The following SFMBT1 variants were observed in gnomAD, a reference collection of about 807,000 sequenced individuals.
SFMBT1 encodes scm-like with four MBT domains protein 1.
Under a neutral mutation model 108.7 loss-of-function variants are expected in SFMBT1, and 32 were observed. The observed-to-expected ratio is 0.29, with a 90% CI of 0.22 to 0.40. SFMBT1 has a LOEUF of 0.40. SFMBT1 is among the 10% of genes least tolerant of loss of function. SFMBT1 has a pLI of 1.00. For synonymous variants in SFMBT1, 348 were observed against 369.5 expected (o/e 0.94, Z 0.67); for missense variants, 816 against 1,059.6 (o/e 0.77, Z 3.19).
intron 1 of SFMBT1, among the ~76,000 whole-genome samples, chr3:52,975,729 G>A (rs1704496116): frequency 6.6e-6 from 1 of 152,142 alleles, no homozygotes; most frequent in African/African-American, 2.4e-5. Flanking sequence ...AGCCTCCTAA[G>A]TAACTGGGAT....
chr3:52,983,562 G>A (rs528656490), intron 1 of SFMBT1, among the ~76,000 whole-genome samples: 11 of 152,300 alleles, frequency 7.2e-5, no homozygotes, highest in South Asian at 2.1e-4. Context: ...CAAGGGAGGA[G>A]GACAGGGAGT....
chr3:53,010,874 A>G (rs930828723), intron 1 of SFMBT1, among the ~76,000 whole-genome samples: 13 of 152,238 alleles, frequency 8.5e-5, no homozygotes, highest in Non-Finnish European at 1.5e-4. Context: ...TCTATTTGGT[A>G]TCTGTATCTT....
intron 12 of SFMBT1, among the ~76,000 whole-genome samples, chr3:52,919,814 A>G (rs1702465823): frequency 6.6e-6 from 1 of 152,222 alleles, no homozygotes; most frequent in Non-Finnish European, 1.5e-5. Flanking sequence ...CAAGGAGCTC[A>G]GGCCCTCAGT....
chr3:53,036,847 G>A (rs1699884839), intron 1 of SFMBT1, among the ~76,000 whole-genome samples: 1 of 152,210 alleles, frequency 6.6e-6, no homozygotes, highest in African/African-American at 2.4e-5. Flanking sequence ...CTGGAAGGCT[G>A]CAGGTGGCTT....
intron 13 of SFMBT1, among the ~76,000 whole-genome samples, chr3:52,916,441 G>A (rs1433445712): frequency 6.6e-6 from 1 of 150,900 alleles, no homozygotes; most frequent in Non-Finnish European, 1.5e-5. Flanking sequence ...AGGCTGACGT[G>A]GGCGGGTCAC....
intron 1 of SFMBT1, among the ~76,000 whole-genome samples, chr3:53,035,197 C>A (rs922528206): frequency 6.7e-6 from 1 of 149,910 alleles, no homozygotes; most frequent in Non-Finnish European, 1.5e-5. Context: ...GGACTTTACC[C>A]GGCCAAATGT....
Position 52,904,984 on chromosome 3 carries a change from CTG to C in SFMBT1, c.*150_*151del, listed in dbSNP as rs1559504955. 9.8e-7 allele frequency: 1 copy of C among 1,016,354 alleles called. No homozygotes were observed. The highest frequency in any genetic ancestry group is 1.4e-6 in the Non-Finnish European group (1 of 723,208). 63.0% of individuals were successfully genotyped at this position (1,016,354 alleles called of 1,614,324 possible). A position where few individuals can be genotyped will look rare whatever the true frequency, so the allele number is the denominator to read the frequency against. On this transcript the variant is annotated 3_prime_UTR_variant, in exon 21 of 21. Coordinates refer to ENST00000394752, the MANE Select transcript of SFMBT1 (RefSeq NM_016329.4). ...TCTGTGCACAGTTTTTGCTTCCTCA[CTG>C]TGAGTCCTCCTTCCCCGAAAGTGCA...
At chr3:52,962,808 C>CAAA (rs369325114) in intron 2 of SFMBT1, among the ~76,000 whole-genome samples, 60,728 of 101,230 alleles carry the variant, frequency 0.6, 18,914 homozygotes, top group South Asian at 0.73. Context: ...CTCCCTGTCT[C>CAAA]AAAAAAAAAA....
chr3:52,953,030 A>C (rs1703648354), intron 3 of SFMBT1, among the ~76,000 whole-genome samples: 1 of 152,250 alleles, frequency 6.6e-6, no homozygotes, highest in African/African-American at 2.4e-5. Context: ...AACTGTGAGA[A>C]GATAAATGTC....
chr3:53,010,512 A>G (rs1397100867), intron 1 of SFMBT1, among the ~76,000 whole-genome samples: 3 of 152,238 alleles, frequency 2.0e-5, no homozygotes, highest in Non-Finnish European at 4.4e-5. Flanking sequence ...TGGCAGAAAG[A>G]AAATTATACA....
intron 1 of SFMBT1, among the ~76,000 whole-genome samples, chr3:53,042,765 A>G (rs1041996293): frequency 2.0e-5 from 3 of 152,236 alleles, no homozygotes; most frequent in Non-Finnish European, 4.4e-5. Context: ...AAAATGTAAT[A>G]GATTTTAAAT....
chr3:53,020,145 T>G (rs1419699705), intron 1 of SFMBT1, among the ~76,000 whole-genome samples: 1 of 151,870 alleles, frequency 6.6e-6, no homozygotes, highest in Non-Finnish European at 1.5e-5. Flanking sequence ...TCCCAGCACT[T>G]TGGGAGGCCG....
chr3:53,013,848 C>T (rs1015977171), intron 1 of SFMBT1, among the ~76,000 whole-genome samples: 28 of 151,818 alleles, frequency 1.8e-4, no homozygotes, highest in Admixed American at 1.7e-3. Context: ...AGGCTGGTCT[C>T]GATCTCCTGA....
chr3:52,968,990 T>G lies in SFMBT1; in HGVS notation c.28+111A>C, dbSNP rs532789191. On this transcript the variant is annotated intron_variant, in intron 2 of 20. Coordinates refer to ENST00000394752, the MANE Select transcript of SFMBT1 (RefSeq NM_016329.4). ...ACAGAAGATGGCAATGAAAAACAAC[T>G]TAAGACTTCAAAGAGCTTCCAGTTC... 149 of 1,313,788 alleles carry G rather than the reference T, an allele frequency of 1.1e-4. No individual in the cohort carries two copies. In the African/African-American group the frequency reaches 1.8e-3, roughly 16 times the overall value. The allele number at this position is 1,313,788 out of a possible 1,614,324, so 81.4% of individuals were successfully genotyped here. A position where few individuals can be genotyped will look rare whatever the true frequency, so the allele number is the denominator to read the frequency against.
intron 1 of SFMBT1, among the ~76,000 whole-genome samples, chr3:53,013,776 C>A (rs1575439115): frequency 1.3e-5 from 2 of 151,096 alleles, no homozygotes; most frequent in East Asian, 3.9e-4. Context: ...TTACAGGCGC[C>A]CACCACCACA....
chr3:52,983,187 A>C (rs986333133), intron 1 of SFMBT1, among the ~76,000 whole-genome samples: 3 of 152,122 alleles, frequency 2.0e-5, no homozygotes, highest in Admixed American at 6.6e-5. Flanking sequence ...ACTCCTCCTC[A>C]GCCTACCCAA....
intron 4 of SFMBT1, among the ~76,000 whole-genome samples, chr3:52,941,631 G>T (rs895175114): frequency 3.6e-4 from 53 of 147,474 alleles, no homozygotes; most frequent in Non-Finnish European, 6.7e-4. Flanking sequence ...ATTGGGCCAG[G>T]TGTGGTGGTT....
chr3:52,909,869 T>G lies in SFMBT1; in HGVS notation c.1906+1134A>C, dbSNP rs536173762. Among the ~76,000 whole-genome samples the G allele has an allele frequency of 3.3e-5, 5 of 152,308 alleles. No homozygotes were observed. In the South Asian group the frequency reaches 1.0e-3, roughly 32 times the overall value. ...ATAAGCAAGGACAGCGAATAGGTGCTATGACAGTTCAAGGTGAGGTTGCAA... is the reference window on the plus strand; with the variant it reads ...ATAAGCAAGGACAGCGAATAGGTGCGATGACAGTTCAAGGTGAGGTTGCAA... On this transcript the variant is annotated intron_variant, in intron 17 of 20. Transcript: ENST00000394752.
chr3:52,908,143 G>A (rs962353413), intron 17 of SFMBT1, among the ~76,000 whole-genome samples: 4 of 147,700 alleles, frequency 2.7e-5, no homozygotes, highest in African/African-American at 7.5e-5. Flanking sequence ...GCACGATCTC[G>A]GCTCACTGCA....
Sources: gnomAD v4.1 joint callset for allele counts (sites outside exome capture counted in the v4.1 genomes callset) on GRCh38, gnomAD v4.1.1 for gene constraint, MANE v1.5 for transcripts, NCBI Gene and HGNC (gene_info 2026-07-23, HGNC 2026-07-21) for gene names.